Variants in TNN observed in about 807,000 individuals in gnomAD.
The protein encoded by TNN is tenascin-N.
TNN carries 122 observed loss-of-function variants against 134.4 expected under a neutral mutation model. That is an observed-to-expected ratio of 0.91 (90% CI 0.78 to 1.06). The LOEUF (loss-of-function observed/expected upper bound fraction) is 1.06. Among genes scored for constraint, TNN ranks in the 50% least tolerant of loss-of-function variants. The pLI, the probability that TNN is intolerant of heterozygous loss-of-function variation, is 0.00. For missense variants in TNN, 1,739 were observed against 1,699.4 expected, an observed-to-expected ratio of 1.02 and a Z score of -0.41; for synonymous variants, 710 against 670.3, an observed-to-expected ratio of 1.06 and a Z score of -0.91.
At chr1:175,097,091 G>A (rs1674588253) in intron 7 of TNN, among the ~76,000 whole-genome samples, 1 of 152,194 alleles carries the variant, frequency 6.6e-6, no homozygotes, top group Non-Finnish European at 1.5e-5. Flanking sequence ...TCAGGAACTA[G>A]AAGAATATGT....
Position 175,136,949 on chromosome 1 carries a change from C to T in TNN, c.3556C>T (p.Arg1186Trp), listed in dbSNP as rs566752311. 190 of 1,614,006 alleles carry T rather than the reference C, an allele frequency of 1.2e-4. 1 individual carries two copies. In the South Asian group the frequency reaches 1.8e-3, roughly 15 times the overall value. Residue 1186 changes from arginine to tryptophan, a missense_variant, in exon 17 of 19, where the codon CGG (arginine) becomes TGG (tryptophan). Physicochemically the swap from Arg to Trp is moderately radical, Grantham distance 101. Coordinates refer to ENST00000239462, the MANE Select transcript of TNN (RefSeq NM_022093.2). ...CTTCCAAGTGGCCTCCAGCAAGGAG[C>T]GGTATAAGCTGACAGTTGGGAAATA... ...DFFQVASSKE[R>W]YKLTVGKYRG...
rs61742152 is a variant in TNN at position 175,118,634 on chromosome 1, G to A, written c.2460G>A (p.Val820=). The change falls in exon 11 of 19, where the codon GTG becomes GTA. Residue 820 remains valine (V), a synonymous_variant. Coordinates refer to ENST00000239462, the MANE Select transcript of TNN (RefSeq NM_022093.2). ...CAGCCACTGTCTCCTGGGACCCGGT[G>A]CAGGCCACCATTGACAGGTATGTGG... ...ENTATVSWDP[V]QATIDRYVVH... The A allele has an allele frequency of 0.021, 33,316 of 1,614,198 alleles. 466 individuals are homozygous for A. Among genetic ancestry groups the A allele is most frequent in the Non-Finnish European group, 0.025 (29,220 of 1,180,032 alleles).
chr1:175,100,416 G>A (rs1210552962), intron 9 of TNN, among the ~76,000 whole-genome samples: 1 of 152,168 alleles, frequency 6.6e-6, no homozygotes, highest in Middle Eastern at 3.2e-3. Flanking sequence ...CAAGGCTTGG[G>A]CCTCACCCAT....
At chr1:175,101,612 T>C (rs558399311) in intron 9 of TNN, among the ~76,000 whole-genome samples, 125 of 149,740 alleles carry the variant, frequency 8.3e-4, no homozygotes, top group South Asian at 8.9e-4. Flanking sequence ...TTACAATCCC[T>C]GAGCTAGATA....
In TNN at chr1:175,129,639, T is replaced by C. The variant is rs543240061; in HGVS notation, c.3330+893T>C. Among the ~76,000 whole-genome samples, 5 of 152,028 alleles carry C rather than the reference T, an allele frequency of 3.3e-5. No homozygotes were observed. The East Asian group carries it at 9.7e-4, about 29-fold the overall frequency. On this transcript the variant is annotated intron_variant, in intron 15 of 18. Coordinates refer to ENST00000239462, the MANE Select transcript of TNN (RefSeq NM_022093.2). ...CAGCTTTAGAGTAAGTGAGAGAGGA[T>C]TGTTTTTCTTATTTTACAGATAGGG...
intron 14 of TNN, 76 bp from the exon 15 acceptor site, chr1:175,128,519 C>A: frequency 6.8e-7 from 1 of 1,464,028 alleles, no homozygotes. Context: ...AAATAAATTG[C>A]CTTAAAATAG....
chr1:175,126,188 G>A (rs1371596147), intron 12 of TNN, among the ~76,000 whole-genome samples: 1 of 145,468 alleles, frequency 6.9e-6, no homozygotes, highest in Non-Finnish European at 1.5e-5. Context: ...TGCAACCTCC[G>A]CCTCCCGAGT....
At position 175,147,669 on chromosome 1, in the gene TNN, A is replaced by C. The variant is rs1306836205; in HGVS notation, c.*598A>C. The C allele has an allele frequency of 1.3e-5, 2 of 152,252 alleles. No individual in the cohort carries two copies. The highest frequency in any genetic ancestry group is 2.9e-5 in the Non-Finnish European group (2 of 68,046). 9.4% of individuals were successfully genotyped at this position (152,252 alleles called of 1,614,324 possible). On this transcript the variant is annotated 3_prime_UTR_variant, in exon 19 of 19. Transcript: ENST00000239462. The stretch of plus-strand genomic sequence containing the variant: ...TTGTATCCAGCATGCTGGAGACCAA[A>C]GCTGCCGCCTTACTGCTATTTTTAA...
intron 6 of TNN, among the ~76,000 whole-genome samples, chr1:175,093,094 G>C (rs1045930097): frequency 5.3e-5 from 8 of 152,162 alleles, no homozygotes; most frequent in African/African-American, 1.9e-4. Flanking sequence ...TTGTTACTTA[G>C]TGTAAAAGAC....
rs771706491 is a variant in TNN at position 175,097,448 on chromosome 1, C to T, written c.1620C>T (p.Asp540=). ...ACAGCCCAGCAAACCTGGTGACTGA[C>T]CGGGTGACTGAGAATACCGCCACCA... ...EIDSPANLVT[D]RVTENTATIS... is the part of the protein sequence containing the mutation. The change falls in exon 8 of 19, where the codon GAC becomes GAT. Residue 540 remains aspartate, a synonymous_variant. Coordinates refer to ENST00000239462, the MANE Select transcript of TNN (RefSeq NM_022093.2). 6.2e-7 allele frequency: 1 copy of T among 1,614,228 alleles called. No individual in the cohort carries two copies. Among genetic ancestry groups the T allele is most frequent in the Non-Finnish European group, 8.5e-7 (1 of 1,180,048 alleles).
intron 15 of TNN, among the ~76,000 whole-genome samples, chr1:175,133,216 CT>C (rs1479087870): frequency 6.6e-6 from 1 of 152,176 alleles, no homozygotes; most frequent in African/African-American, 2.4e-5. Context: ...TTCAGATTTA[CT>C]TCCTATAAAA....
At chr1:175,112,244 GAT>G (rs945217307) in intron 9 of TNN, among the ~76,000 whole-genome samples, 10 of 151,476 alleles carry the variant, frequency 6.6e-5, no homozygotes, top group African/African-American at 2.2e-4. Flanking sequence ...CTATTGAGAT[GAT>G]ATTTTTTTTT....
chr1:175,080,733 AACCCCC>A (rs1478994870), intron 4 of TNN, among the ~76,000 whole-genome samples: 1 of 152,162 alleles, frequency 6.6e-6, no homozygotes, highest in East Asian at 1.9e-4. Context: ...TCTCTTACTG[AACCCCC>A]AAAGCCATTC....
chr1:175,112,345 T>A (rs552765964), intron 9 of TNN, among the ~76,000 whole-genome samples: 1 of 152,162 alleles, frequency 6.6e-6, no homozygotes, highest in Admixed American at 6.5e-5. Context: ...CTCACTTGTA[T>A]CCTCTTGCTG....
At chr1:175,139,157 C>T (rs572242617) in intron 17 of TNN, among the ~76,000 whole-genome samples, 1 of 152,244 alleles carries the variant, frequency 6.6e-6, no homozygotes, top group Non-Finnish European at 1.5e-5. Flanking sequence ...TGCCCTTCGG[C>T]CACACTAAAT....
chr1:175,135,750 A>G (rs1192371836), intron 15 of TNN, 95 bp from the exon 16 acceptor site: 1 of 896,664 alleles, frequency 1.1e-6, no homozygotes, highest in Non-Finnish European at 1.9e-6. Flanking sequence ...TAGCTGGAGG[A>G]AGGCAGTGTA....
At chr1:175,115,568 C>T (rs940029659) in intron 9 of TNN, among the ~76,000 whole-genome samples, 1 of 152,114 alleles carries the variant, frequency 6.6e-6, no homozygotes, top group Non-Finnish European at 1.5e-5. Context: ...TGTCAGGTCA[C>T]TGGGTGGTGG....
chr1:175,079,207 C>CCCA, intron 2 of TNN, 126 bp from the exon 3 acceptor site: 1 of 1,229,250 alleles, frequency 8.1e-7, no homozygotes, highest in Non-Finnish European at 1.1e-6. Context: ...GTGCAAGACC[C>CCCA]AGAAATCACC....
intron 1 of TNN, among the ~76,000 whole-genome samples, chr1:175,072,129 C>T (rs557949190): frequency 6.6e-6 from 1 of 152,182 alleles, no homozygotes; most frequent in Admixed American, 6.5e-5. Flanking sequence ...CATCTGAAGG[C>T]AGAAGTAGGG....
Sources: gnomAD v4.1 joint callset for allele counts (sites outside exome capture counted in the v4.1 genomes callset) on GRCh38, gnomAD v4.1.1 for gene constraint, MANE v1.5 for transcripts, NCBI Gene and HGNC (gene_info 2026-07-23, HGNC 2026-07-21) for gene names.